Variants in GALNTL6 observed in about 807,000 individuals in gnomAD.
GALNTL6 encodes the protein polypeptide N-acetylgalactosaminyltransferase-like 6.
A neutral mutation model predicts 73.7 loss-of-function variants in GALNTL6; 46 were observed. The observed-to-expected ratio is 0.62, with a 90% confidence interval of 0.49 to 0.80. GALNTL6 has a LOEUF of 0.80. Ranked by LOEUF, GALNTL6 falls within the 30% of genes least tolerant of loss-of-function variation. The probability of loss-of-function intolerance (pLI) is 0.00; values close to 1 mark genes in which losing one functional copy is unlikely to be tolerated. For missense variants in GALNTL6, 604 were observed against 755.0 expected (o/e 0.80, Z 2.34); for synonymous variants, 259 against 263.7 (o/e 0.98, Z 0.17).
intron 2 of GALNTL6, among the ~76,000 whole-genome samples, chr4:172,022,981 G>T (rs1182686315): frequency 6.6e-6 from 1 of 151,884 alleles, no homozygotes; most frequent in Non-Finnish European, 1.5e-5. Flanking sequence ...ACTGTACAGA[G>T]AATAAATAAA....
chr4:172,627,073 C>T (rs1739197720), intron 5 of GALNTL6, among the ~76,000 whole-genome samples: 1 of 151,992 alleles, frequency 6.6e-6, no homozygotes, highest in Admixed American at 6.6e-5. Flanking sequence ...TGTCTTGTTC[C>T]AGTTCTCAAG....
chr4:172,087,538 G>C (rs1266829460), intron 2 of GALNTL6, among the ~76,000 whole-genome samples: 1 of 151,598 alleles, frequency 6.6e-6, no homozygotes, highest in Non-Finnish European at 1.5e-5. Flanking sequence ...ATAATGTTCC[G>C]TGTTCCACAA....
intron 5 of GALNTL6, among the ~76,000 whole-genome samples, chr4:172,763,718 C>T (rs559017851): frequency 3.3e-5 from 5 of 152,258 alleles, no homozygotes; most frequent in African/African-American, 1.2e-4. Context: ...CTCCTAGAAT[C>T]AGAGAAATAG....
At chr4:172,912,210 A>C (rs1747241532) in intron 8 of GALNTL6, among the ~76,000 whole-genome samples, 1 of 152,382 alleles carries the variant, frequency 6.6e-6, no homozygotes, top group South Asian at 2.1e-4. Context: ...TTCAGAGTGT[A>C]TACACACATT....
At chr4:171,953,192 C>A (rs1738935581) in intron 2 of GALNTL6, among the ~76,000 whole-genome samples, 1 of 150,322 alleles carries the variant, frequency 6.7e-6, no homozygotes, top group African/African-American at 2.4e-5. Context: ...CAATAGAATT[C>A]TAATCAAAAT....
intron 2 of GALNTL6, among the ~76,000 whole-genome samples, chr4:171,827,694 T>G (rs1242936365): frequency 3.9e-5 from 6 of 152,184 alleles, no homozygotes; most frequent in Admixed American, 3.3e-4. Flanking sequence ...TATCTTATCT[T>G]ATCTTATCTA....
intron 2 of GALNTL6, among the ~76,000 whole-genome samples, chr4:172,137,266 T>C (rs1482643045): frequency 6.6e-6 from 1 of 152,204 alleles, no homozygotes; most frequent in Non-Finnish European, 1.5e-5. Context: ...AGGAGGATAC[T>C]GACTCTGAGA....
At chr4:172,304,465 T>C (rs1740054565) in intron 3 of GALNTL6, among the ~76,000 whole-genome samples, 1 of 151,580 alleles carries the variant, frequency 6.6e-6, no homozygotes, top group Non-Finnish European at 1.5e-5. Flanking sequence ...CCTGATGTCC[T>C]GGGTATGCTG....
At chr4:172,577,921 A>G (rs927523865) in intron 5 of GALNTL6, among the ~76,000 whole-genome samples, 11 of 152,216 alleles carry the variant, frequency 7.2e-5, no homozygotes, top group Admixed American at 2.6e-4. Context: ...AGCTGAGCCT[A>G]TCACAGGCAA....
chr4:172,981,060 T>C (rs572601182), intron 10 of GALNTL6, among the ~76,000 whole-genome samples: 3 of 152,352 alleles, frequency 2.0e-5, no homozygotes, highest in African/African-American at 7.2e-5. Flanking sequence ...TAATACTCCA[T>C]TGAATGTATA....
intron 5 of GALNTL6, among the ~76,000 whole-genome samples, chr4:172,624,433 A>C (rs1361903394): frequency 6.6e-6 from 1 of 151,662 alleles, no homozygotes; most frequent in Non-Finnish European, 1.5e-5. Context: ...AGAAAAAAAA[A>C]ATGCTCTCCT....
chr4:172,191,196 A>G (rs1357926561), intron 2 of GALNTL6, among the ~76,000 whole-genome samples: 1 of 152,176 alleles, frequency 6.6e-6, no homozygotes, highest in East Asian at 1.9e-4. Context: ...TGTTCACATA[A>G]ACTAGGGTTA....
chr4:172,353,435 T>A (rs1742034230), intron 5 of GALNTL6, among the ~76,000 whole-genome samples: 1 of 152,222 alleles, frequency 6.6e-6, no homozygotes, highest in African/African-American at 2.4e-5. Context: ...AATATTGGAT[T>A]TATAAGTTTG....
intron 5 of GALNTL6, among the ~76,000 whole-genome samples, chr4:172,518,469 AT>A (rs1734678354): frequency 6.6e-6 from 1 of 151,896 alleles, no homozygotes; most frequent in Non-Finnish European, 1.5e-5. Flanking sequence ...ACTCTTCCTC[AT>A]TTTTTTAGAA....
chr4:171,825,896 G>A (rs1189032583), intron 2 of GALNTL6, among the ~76,000 whole-genome samples: 1 of 152,130 alleles, frequency 6.6e-6, no homozygotes, highest in Non-Finnish European at 1.5e-5. Context: ...TGTGTGATGT[G>A]AGAAATATTT....
At chr4:172,329,980 C>G (rs1211294611) in intron 4 of GALNTL6, among the ~76,000 whole-genome samples, 1 of 152,214 alleles carries the variant, frequency 6.6e-6, no homozygotes, top group African/African-American at 2.4e-5. Context: ...GGCAGCCTAC[C>G]CCTCCCTCTT....
At chr4:173,003,598 A>C (rs777458700) in intron 10 of GALNTL6, among the ~76,000 whole-genome samples, 24 of 152,202 alleles carry the variant, frequency 1.6e-4, no homozygotes, top group Admixed American at 3.9e-4. Flanking sequence ...CTTCGCATGC[A>C]TCTGTTTAAT....
At chr4:172,839,679 T>C (rs556149124) in intron 7 of GALNTL6, among the ~76,000 whole-genome samples, 1 of 152,354 alleles carries the variant, frequency 6.6e-6, no homozygotes, top group African/African-American at 2.4e-5. Flanking sequence ...TTACAGGAGA[T>C]GAGTTAAGTA....
chr4:172,578,505 GA>G (rs1390781970), intron 5 of GALNTL6, among the ~76,000 whole-genome samples: 6 of 152,160 alleles, frequency 3.9e-5, no homozygotes, highest in Admixed American at 3.9e-4. Flanking sequence ...TGTTTCCAAA[GA>G]AGAGGAATGT....
Sources: allele counts gnomAD v4.1 joint callset (sites outside exome capture counted in the v4.1 genomes callset), GRCh38; gene constraint gnomAD v4.1.1; transcripts MANE v1.5; gene names NCBI Gene and HGNC (gene_info 2026-07-23, HGNC 2026-07-21).